GASK1B: variants seen among roughly 807,000 people sequenced by gnomAD.
GASK1B encodes the protein golgi associated kinase 1B, also known as Golgi-associated kinase 1B.
GASK1B carries 34 observed loss-of-function variants against 42.8 expected under a neutral mutation model. The ratio of observed to expected loss-of-function variants is 0.79; its 90% CI spans 0.60 to 1.06. The LOEUF is 1.06. Ranked by LOEUF, GASK1B falls within the 50% of genes least tolerant of loss-of-function variation. GASK1B has a pLI of 0.00. For missense variants in GASK1B, 686 were observed against 661.0 expected, an observed-to-expected ratio of 1.04 and a Z score of -0.42; for synonymous variants, 262 against 259.1, an observed-to-expected ratio of 1.01 and a Z score of -0.11.
intron 4 of GASK1B, among the ~76,000 whole-genome samples, chr4:158,129,102 C>A (rs1333821408): frequency 6.6e-6 from 1 of 152,070 alleles, no homozygotes; most frequent in East Asian, 1.9e-4. Flanking sequence ...GTTAGAAAAG[C>A]CTTCATTTTT....
chr4:158,168,379 C>G (rs1234898492), intron 2 of GASK1B: 5 of 152,136 alleles, frequency 3.3e-5, no homozygotes, highest in Non-Finnish European at 7.4e-5. Flanking sequence ...TTTAATTGAG[C>G]AGTTTTAGTC....
intron 2 of GASK1B, among the ~76,000 whole-genome samples, chr4:158,164,045 C>T (rs755879584): frequency 2.6e-5 from 4 of 152,186 alleles, no homozygotes; most frequent in Non-Finnish European, 5.9e-5. Context: ...GAAGAGCCCA[C>T]CTCCTTGAGC....
chr4:158,127,238 A>G lies in GASK1B; in HGVS notation c.*169T>C. ...TTTGTTTTTCAAAACCTTTTTAAGTATGCATACAGTGCTAAGTCCCATTAT... is the reference window on the plus strand; with the variant it reads ...TTTGTTTTTCAAAACCTTTTTAAGTGTGCATACAGTGCTAAGTCCCATTAT... On this transcript the variant is annotated 3_prime_UTR_variant, in exon 5 of 5. Coordinates refer to ENST00000585682, the MANE Select transcript of GASK1B (RefSeq NM_001128424.2). 1 of 527,632 alleles carries G rather than the reference A, an allele frequency of 1.9e-6. No homozygotes were observed. The highest frequency in any genetic ancestry group is 3.3e-6 in the Non-Finnish European group (1 of 300,030). The allele number at this position is 527,632 out of a possible 1,614,324, so 32.7% of individuals were successfully genotyped here.
intron 3 of GASK1B, among the ~76,000 whole-genome samples, chr4:158,142,269 A>C (rs1396588978): frequency 6.6e-6 from 1 of 152,112 alleles, no homozygotes; most frequent in Non-Finnish European, 1.5e-5. Flanking sequence ...TACAGCACCA[A>C]ATACCATAAT....
chr4:158,141,957 A>T (rs2110957214), intron 3 of GASK1B, among the ~76,000 whole-genome samples: 1 of 27,742 alleles, frequency 3.6e-5, no homozygotes, highest in Non-Finnish European at 6.4e-5. Context: ...TTTTTTTTTG[A>T]GACGGAGTCT....
intron 3 of GASK1B, among the ~76,000 whole-genome samples, chr4:158,133,219 C>A (rs1730750350): frequency 6.6e-6 from 1 of 152,120 alleles, no homozygotes. Flanking sequence ...TTTAAATACA[C>A]ATTAACTAAT....
intron 4 of GASK1B, among the ~76,000 whole-genome samples, chr4:158,130,582 G>C (rs1297664247): frequency 6.6e-6 from 1 of 152,120 alleles, no homozygotes. Context: ...AGGCGGTATT[G>C]GTTGTTGATA....
rs766848671 is a variant in GASK1B, at chr4:158,171,384, C to T, written c.-9G>A. The T allele has an allele frequency of 1.9e-6, 3 of 1,546,234 alleles. No homozygotes were observed. Among genetic ancestry groups the T allele is most frequent in the South Asian group, 2.4e-5 (2 of 82,260 alleles). On this transcript the variant is annotated 5_prime_UTR_variant, in exon 2 of 5. Coordinates refer to ENST00000585682, the MANE Select transcript of GASK1B (RefSeq NM_001128424.2). ...TTGTCTGGACAGGTCATTTCTCTGC[C>T]GCATCCACATGTTGAACGGAGTTTA...
intron 3 of GASK1B, among the ~76,000 whole-genome samples, chr4:158,135,805 A>C (rs1730867466): frequency 6.6e-6 from 1 of 152,210 alleles, no homozygotes; most frequent in African/African-American, 2.4e-5. Flanking sequence ...TTCAGAGAAA[A>C]GCTCATGAAG....
At position 158,126,641 on chromosome 4, in the gene GASK1B, C is replaced by T. The variant is rs1219986076; in HGVS notation, c.*766G>A. On this transcript the variant is annotated 3_prime_UTR_variant, in exon 5 of 5. Transcript: ENST00000585682. ...AAGTACATTTTCAGATAGGTAACTTCATACTTTAGAATTATTTAATTTCTC... is the reference window on the plus strand; with the variant it reads ...AAGTACATTTTCAGATAGGTAACTTTATACTTTAGAATTATTTAATTTCTC... 6.6e-6 allele frequency: 1 copy of T among 152,094 alleles called. No individual in the cohort carries two copies. Among genetic ancestry groups the T allele is most frequent in the East Asian group, 1.9e-4 (1 of 5,182 alleles). 9.4% of individuals were successfully genotyped at this position (152,094 alleles called of 1,614,324 possible). A position where few individuals can be genotyped will look rare whatever the true frequency, so the allele number is the denominator to read the frequency against.
At chr4:158,150,115 C>T (rs565385547) in intron 3 of GASK1B, among the ~76,000 whole-genome samples, 2 of 151,704 alleles carry the variant, frequency 1.3e-5, no homozygotes, top group African/African-American at 2.4e-5. Context: ...TTAGTAGAGA[C>T]GGGGTTTCAC....
chr4:158,141,700 G>A (rs1328860227), intron 3 of GASK1B, among the ~76,000 whole-genome samples: 2 of 145,300 alleles, frequency 1.4e-5, no homozygotes, highest in African/African-American at 2.6e-5. Context: ...TCCGCCTCCC[G>A]GGTTCACGCC....
Position 158,171,279 on chromosome 4 carries a change from T to C in GASK1B, c.97A>G (p.Arg33Gly), listed in dbSNP as rs780348984. ...CCCAGCAGAAGGTTTCTCCGGGTCC[T>C]TGGACGCCGGCTGCTCCAGAGCTTA... ...VRKLWSSRRP[R>G]TRRNLLLGTA... Residue 33 changes from arginine to glycine, a missense_variant, in exon 2 of 5, where the codon AGG becomes GGG. Arg to Gly is a moderately radical substitution (Grantham distance 125, BLOSUM62 -2). Coordinates refer to ENST00000585682, the MANE Select transcript of GASK1B (RefSeq NM_001128424.2). The C allele has an allele frequency of 1.2e-6, 2 of 1,613,820 alleles. No homozygotes were observed. Among genetic ancestry groups the C allele is most frequent in the Admixed American group, 3.3e-5 (2 of 60,028 alleles).
chr4:158,128,383 C>T (rs72691636), intron 4 of GASK1B, among the ~76,000 whole-genome samples: 13,974 of 152,128 alleles, frequency 0.092, 786 homozygotes, highest in Non-Finnish European at 0.11. Flanking sequence ...TGCTTTTCTT[C>T]GTTTAGAAAG....
intron 2 of GASK1B, among the ~76,000 whole-genome samples, chr4:158,166,785 A>G (rs1451349356): frequency 2.0e-5 from 3 of 152,124 alleles, no homozygotes; most frequent in East Asian, 3.8e-4. Context: ...CTGTTTCATT[A>G]TATTTATATA....
chr4:158,152,306 C>T (rs1731587787), intron 3 of GASK1B, among the ~76,000 whole-genome samples: 1 of 152,088 alleles, frequency 6.6e-6, no homozygotes, highest in Non-Finnish European at 1.5e-5. Flanking sequence ...ATACATCAAA[C>T]GTATTAGTTC....
At chr4:158,151,799 A>C (rs1362925281) in intron 3 of GASK1B, among the ~76,000 whole-genome samples, 9 of 152,234 alleles carry the variant, frequency 5.9e-5, no homozygotes, top group Non-Finnish European at 5.9e-5. Context: ...TTCAAATGGT[A>C]ATTGTGATGG....
intron 2 of GASK1B, among the ~76,000 whole-genome samples, chr4:158,157,761 G>GTTT (rs1731812873): frequency 6.6e-6 from 1 of 152,094 alleles, no homozygotes; most frequent in African/African-American, 2.4e-5. Flanking sequence ...TAAGGCCTTT[G>GTTT]GAGAAATATG....
At chr4:158,150,266 C>A (rs1731507971) in intron 3 of GASK1B, among the ~76,000 whole-genome samples, 1 of 152,282 alleles carries the variant, frequency 6.6e-6, no homozygotes, top group East Asian at 1.9e-4. Context: ...CAGAGAATAT[C>A]TCCCTCTGAG....
Sources: gnomAD v4.1 joint callset for allele counts (sites outside exome capture counted in the v4.1 genomes callset) on GRCh38, gnomAD v4.1.1 for gene constraint, MANE v1.5 for transcripts, NCBI Gene and HGNC (gene_info 2026-07-23, HGNC 2026-07-21) for gene names.